The following BLTP1 variants were observed in gnomAD, a reference collection of about 807,000 sequenced individuals.
BLTP1 encodes the protein bridge-like lipid transfer protein family member 1, also known as fragile site-associated protein.
At chr4:122,346,318 T>C in the BLTP1 span, 30 of 345,444 alleles carry the variant, frequency 8.7e-5, no homozygotes, top group African/African-American at 4.9e-4. Flanking sequence ...TGATTCATTT[T>C]CCATAATAGA....
the BLTP1 span, chr4:122,334,371 A>C: frequency 6.2e-7 from 1 of 1,602,212 alleles, no homozygotes; most frequent in Non-Finnish European, 8.6e-7. Context: ...GACGCTAAAG[A>C]CTGAATCACC....
the BLTP1 span, chr4:122,312,735 T>C: frequency 1.9e-6 from 1 of 529,792 alleles, no homozygotes; most frequent in African/African-American, 2.1e-5. Flanking sequence ...GTTGGAAAGA[T>C]TTTTCCCTTT....
the BLTP1 span, among the ~76,000 whole-genome samples, chr4:122,162,012 A>G: frequency 6.6e-6 from 1 of 152,210 alleles, no homozygotes; most frequent in Non-Finnish European, 1.5e-5. Context: ...ATACAGTGTG[A>G]TAAGTACTAA....
chr4:122,259,290 C>T, the BLTP1 span, among the ~76,000 whole-genome samples: 3 of 152,162 alleles, frequency 2.0e-5, no homozygotes, highest in South Asian at 6.2e-4. Flanking sequence ...GCAAGCCAGA[C>T]TGCCTTGGTT....
chr4:122,221,071 T>G, the BLTP1 span: 1 of 980,592 alleles, frequency 1.0e-6, no homozygotes, highest in Non-Finnish European at 1.2e-6. Flanking sequence ...TGCCCCTGTC[T>G]TACTTTTAAT....
chr4:122,324,411 T>A, the BLTP1 span: 1 of 1,606,046 alleles, frequency 6.2e-7, no homozygotes, highest in East Asian at 2.2e-5. Flanking sequence ...CCCTTTTTTC[T>A]CTCCCATTTT....
At chr4:122,316,793 G>A in the BLTP1 span, 1 of 1,613,228 alleles carries the variant, frequency 6.2e-7, no homozygotes, top group African/African-American at 1.3e-5. Flanking sequence ...CTTAGAGGAA[G>A]AAAAATTATG....
chr4:122,313,490 A>G, the BLTP1 span: 1 of 471,296 alleles, frequency 2.1e-6, no homozygotes, highest in Non-Finnish European at 3.6e-6. Context: ...CATTCCAAAG[A>G]TTAAGAACTA....
At chr4:122,360,328 G>A in the BLTP1 span, among the ~76,000 whole-genome samples, 1 of 152,022 alleles carries the variant, frequency 6.6e-6, no homozygotes, top group Non-Finnish European at 1.5e-5. Context: ...GTATTTTTTA[G>A]TTTCAGTTAT....
the BLTP1 span, chr4:122,207,069 A>G: frequency 1.2e-5 from 19 of 1,550,314 alleles, no homozygotes; most frequent in East Asian, 2.1e-4. Context: ...CTGAGTTTCA[A>G]CTAACTTTAC....
chr4:122,192,957 G>A, the BLTP1 span, among the ~76,000 whole-genome samples: 1 of 152,168 alleles, frequency 6.6e-6, no homozygotes, highest in African/African-American at 2.4e-5. Flanking sequence ...CCTCCAACAA[G>A]GTGGTGGCAT....
At chr4:122,188,124 T>A in the BLTP1 span, 1 of 1,395,370 alleles carries the variant, frequency 7.2e-7, no homozygotes, top group Non-Finnish European at 9.4e-7. Flanking sequence ...AAAAACTTCT[T>A]ATAGGTAATA....
chr4:122,331,332 G>A, the BLTP1 span: 9 of 1,609,142 alleles, frequency 5.6e-6, no homozygotes, highest in Non-Finnish European at 6.8e-6. Flanking sequence ...GTAGACATAC[G>A]TCTCGTAAAA....
At chr4:122,250,129 A>G in the BLTP1 span, 1 of 465,934 alleles carries the variant, frequency 2.1e-6, no homozygotes, top group Non-Finnish European at 2.8e-6. Context: ...AATGTGTATA[A>G]CACTTTTTTT....
chr4:122,182,713 G>T, the BLTP1 span: 1 of 985,110 alleles, frequency 1.0e-6, no homozygotes, highest in Non-Finnish European at 1.2e-6. Flanking sequence ...AAAGTTAGAA[G>T]TTCTCAGTAT....
At chr4:122,159,368 C>T in the BLTP1 span, among the ~76,000 whole-genome samples, 1 of 151,556 alleles carries the variant, frequency 6.6e-6, no homozygotes, top group Non-Finnish European at 1.5e-5. Flanking sequence ...GAGGCTGAGG[C>T]AGGAGAATCG....
At chr4:122,347,450 A>C in the BLTP1 span, 2 of 1,526,946 alleles carry the variant, frequency 1.3e-6, no homozygotes, top group Non-Finnish European at 1.8e-6. Flanking sequence ...GGATGGGTGA[A>C]CTTATTTTAT....
the BLTP1 span, chr4:122,281,834 A>G: frequency 2.1e-6 from 3 of 1,416,594 alleles, no homozygotes; most frequent in Non-Finnish European, 2.8e-6. Flanking sequence ...GAAATTAGTA[A>G]TATTTTGATA....
chr4:122,190,341 C>T, the BLTP1 span: 3 of 754,782 alleles, frequency 4.0e-6, no homozygotes, highest in Non-Finnish European at 4.8e-6. Context: ...AGTGATCCTC[C>T]TGCCTCATTC....
Sources: allele counts gnomAD v4.1 joint callset (sites outside exome capture counted in the v4.1 genomes callset), GRCh38; gene constraint gnomAD v4.1.1; transcripts MANE v1.5; gene names NCBI Gene and HGNC (gene_info 2026-07-23, HGNC 2026-07-21).